Variants in FBXL7 observed in about 807,000 individuals in gnomAD.
FBXL7 encodes the protein F-box/LRR-repeat protein 7.
A neutral mutation model predicts 38.3 loss-of-function variants in FBXL7; 12 were observed. The ratio of observed to expected loss-of-function variants is 0.31; its 90% CI spans 0.20 to 0.51. The LOEUF (loss-of-function observed/expected upper bound fraction) is 0.51. FBXL7 is among the 20% of genes least tolerant of loss of function. The pLI is 0.98. For synonymous variants in FBXL7, 297 were observed against 300.9 expected (o/e 0.99, Z 0.13); for missense variants, 567 against 676.4 (o/e 0.84, Z 1.79).
At chr5:15,812,315 A>G (rs1269082429) in intron 2 of FBXL7, among the ~76,000 whole-genome samples, 3 of 152,220 alleles carry the variant, frequency 2.0e-5, no homozygotes, top group Middle Eastern at 3.4e-3. Context: ...AGGGAAGGGA[A>G]CAACACACAC....
chr5:15,878,960 G>A (rs1740326196), intron 2 of FBXL7, among the ~76,000 whole-genome samples: 1 of 152,088 alleles, frequency 6.6e-6, no homozygotes, highest in Non-Finnish European at 1.5e-5. Context: ...AGAAAGCTGG[G>A]GAGCTTTTTA....
chr5:15,515,521 T>C (rs533505719), intron 1 of FBXL7, among the ~76,000 whole-genome samples: 105 of 152,320 alleles, frequency 6.9e-4, no homozygotes, highest in African/African-American at 2.4e-3. Flanking sequence ...CAATCATTCC[T>C]CCATGGTCCT....
intron 2 of FBXL7, among the ~76,000 whole-genome samples, chr5:15,807,686 T>A (rs1327980388): frequency 6.6e-6 from 1 of 151,654 alleles, no homozygotes; most frequent in Non-Finnish European, 1.5e-5. Context: ...TTCTTTTCTT[T>A]TTTTTTTTAC....
chr5:15,638,596 A>G (rs1324234630), intron 2 of FBXL7, among the ~76,000 whole-genome samples: 1 of 151,194 alleles, frequency 6.6e-6, no homozygotes. Flanking sequence ...ACGGAGGACA[A>G]GTTTCTTGCA....
intron 2 of FBXL7, among the ~76,000 whole-genome samples, chr5:15,674,029 AAGT>A (rs1482942478): frequency 6.6e-6 from 1 of 152,226 alleles, no homozygotes; most frequent in East Asian, 1.9e-4. Context: ...AGGGAAAACT[AAGT>A]ATAGGCTTTA....
At chr5:15,854,980 G>C (rs993983513) in intron 2 of FBXL7, among the ~76,000 whole-genome samples, 3 of 152,108 alleles carry the variant, frequency 2.0e-5, no homozygotes, top group East Asian at 1.9e-4. Flanking sequence ...ACAATCCACT[G>C]TTGTAATGAT....
At chr5:15,541,050 ATGTGTG>A (rs113578475) in intron 1 of FBXL7, among the ~76,000 whole-genome samples, 16 of 149,248 alleles carry the variant, frequency 1.1e-4, no homozygotes, top group African/African-American at 2.0e-4. Flanking sequence ...ATGTGTCGGA[ATGTGTG>A]TGTGTGTGTG....
At chr5:15,590,310 T>A (rs1739432947) in intron 1 of FBXL7, among the ~76,000 whole-genome samples, 1 of 152,216 alleles carries the variant, frequency 6.6e-6, no homozygotes, top group South Asian at 2.1e-4. Flanking sequence ...CATTGCTACC[T>A]CCATAACAGC....
intron 1 of FBXL7, among the ~76,000 whole-genome samples, chr5:15,609,745 C>T (rs10053108): frequency 0.64 from 97,416 of 152,076 alleles, 31,550 homozygotes; most frequent in South Asian, 0.71. Flanking sequence ...GACTGTGCTA[C>T]CCGGCAGCTT....
At chr5:15,621,389 G>A (rs1268286233) in intron 2 of FBXL7, among the ~76,000 whole-genome samples, 5 of 152,062 alleles carry the variant, frequency 3.3e-5, no homozygotes, top group Non-Finnish European at 5.9e-5. Context: ...TTCCAGTTGT[G>A]TTACTATTCT....
intron 2 of FBXL7, among the ~76,000 whole-genome samples, chr5:15,621,291 G>A (rs1451905305): frequency 6.6e-6 from 1 of 152,164 alleles, no homozygotes; most frequent in African/African-American, 2.4e-5. Flanking sequence ...CTGTAGGGGG[G>A]GTTGGGTTCC....
intron 2 of FBXL7, among the ~76,000 whole-genome samples, chr5:15,765,764 C>T (rs1203993171): frequency 6.6e-6 from 1 of 152,100 alleles, no homozygotes; most frequent in Non-Finnish European, 1.5e-5. Flanking sequence ...ATCCATCCAT[C>T]TGCTGGGAAT....
At chr5:15,885,782 C>T (rs900374387) in intron 2 of FBXL7, among the ~76,000 whole-genome samples, 8 of 152,154 alleles carry the variant, frequency 5.3e-5, no homozygotes, top group Non-Finnish European at 1.2e-4. Context: ...GATCACGGCT[C>T]ACCACAGCCT....
intron 1 of FBXL7, among the ~76,000 whole-genome samples, chr5:15,525,553 T>C (rs1333113287): frequency 1.3e-5 from 2 of 152,126 alleles, no homozygotes; most frequent in East Asian, 1.9e-4. Context: ...AGCCAACTTA[T>C]CTTGCTTTCC....
intron 2 of FBXL7, among the ~76,000 whole-genome samples, chr5:15,867,407 G>T (rs1468413974): frequency 6.6e-6 from 1 of 152,106 alleles, no homozygotes; most frequent in Non-Finnish European, 1.5e-5. Context: ...TAAGGAAGTT[G>T]GTGTCAGTCC....
intron 2 of FBXL7, among the ~76,000 whole-genome samples, chr5:15,826,567 T>A (rs1484744388): frequency 1.3e-5 from 2 of 152,092 alleles, no homozygotes; most frequent in African/African-American, 4.8e-5. Flanking sequence ...TACAGGCACC[T>A]GCCACTATGC....
At position 15,500,410 on chromosome 5, in the gene FBXL7, G is replaced by A. The variant is rs1736455742; in HGVS notation, c.-267G>A. ...GGCCCCGGGGCGCGGGCTGTGCGCG[G>A]CGCTGCGCCCGCCGGCCCCCAGCGC... On this transcript the variant is annotated 5_prime_UTR_variant, in exon 1 of 4. Transcript: ENST00000504595. The A allele has an allele frequency of 2.8e-6, 1 of 362,946 alleles. No individual in the cohort carries two copies. The highest frequency in any genetic ancestry group is 3.3e-5 in the South Asian group (1 of 30,638). The allele number at this position is 362,946 out of a possible 1,614,324, so 22.5% of individuals were successfully genotyped here.
At chr5:15,913,063 T>C (rs535004129) in intron 2 of FBXL7, among the ~76,000 whole-genome samples, 37 of 152,328 alleles carry the variant, frequency 2.4e-4, no homozygotes, top group African/African-American at 8.7e-4. Context: ...AAAATGTTTC[T>C]CTATATCCTT....
chr5:15,738,232 T>TCAGAAAGCAAATTAGGG (rs1440712164), intron 2 of FBXL7, among the ~76,000 whole-genome samples: 23 of 152,206 alleles, frequency 1.5e-4, no homozygotes, highest in Non-Finnish European at 5.9e-5. Flanking sequence ...TTTGCTTTCC[T>TCAGAAAGCAAATTAGGG]TACATGTGAA....
Sources: allele counts gnomAD v4.1 joint callset (sites outside exome capture counted in the v4.1 genomes callset), GRCh38; gene constraint gnomAD v4.1.1; transcripts MANE v1.5; gene names NCBI Gene and HGNC (gene_info 2026-07-23, HGNC 2026-07-21).